The following MAP3K19 variants were observed in gnomAD, a reference collection of about 807,000 sequenced individuals.
MAP3K19 encodes the protein SPS1/STE20-related protein kinase YSK4.
A neutral mutation model predicts 114.4 loss-of-function variants in MAP3K19; 91 were observed. The observed-to-expected ratio is 0.80, with a 90% CI of 0.67 to 0.95. The LOEUF (loss-of-function observed/expected upper bound fraction) is 0.95. Ranked by LOEUF, MAP3K19 falls within the 40% of genes least tolerant of loss-of-function variation. MAP3K19 has a pLI of 0.00. For synonymous variants in MAP3K19, 518 were observed against 530.5 expected (o/e 0.98, Z 0.32); for missense variants, 1,471 against 1,573.2 (o/e 0.94, Z 1.10).
At position 135,039,985 on chromosome 2, in the gene MAP3K19, T is replaced by C. The variant is rs184425016; in HGVS notation, c.-284+378A>G. Among the ~76,000 whole-genome samples, 392 of 152,346 alleles carry C rather than the reference T, an allele frequency of 2.6e-3. 13 individuals are homozygous for C. The highest frequency in any genetic ancestry group is 0.023 in the Admixed American group (356 of 15,296). On this transcript the variant is annotated intron_variant, in intron 2 of 12. Coordinates refer to ENST00000392915, the MANE Select transcript of MAP3K19 (RefSeq NM_025052.5). The stretch of plus-strand genomic sequence containing the variant: ...TTATTATTCACGTATTTACCCCTGT[T>C]TCCCTACTTCCAGGTTTACGTGCAT...
chr2:135,033,318 T>C (rs1271313334), intron 2 of MAP3K19, among the ~76,000 whole-genome samples: 17 of 108,828 alleles, frequency 1.6e-4, no homozygotes, highest in East Asian at 3.0e-4. Context: ...TAGGAGCGGC[T>C]GGGCAGAGGC....
intron 10 of MAP3K19, among the ~76,000 whole-genome samples, chr2:134,984,707 C>T (rs1002838587): frequency 8.5e-5 from 13 of 152,148 alleles, no homozygotes; most frequent in African/African-American, 2.9e-4. Flanking sequence ...AATCCCAGCA[C>T]TTTGGGAGGC....
intron 5 of MAP3K19, among the ~76,000 whole-genome samples, chr2:135,020,559 G>A (rs1196645583): frequency 1.3e-5 from 2 of 152,160 alleles, no homozygotes; most frequent in East Asian, 3.9e-4. Context: ...GGCCTCAACA[G>A]ATCTTCAGCC....
intron 6 of MAP3K19, among the ~76,000 whole-genome samples, chr2:135,003,726 G>T (rs1046721138): frequency 6.6e-6 from 1 of 151,836 alleles, no homozygotes; most frequent in African/African-American, 2.4e-5. Flanking sequence ...GGCTAATTTT[G>T]TATTTTTAGT....
Position 134,981,536 on chromosome 2 carries a change from A to G in MAP3K19, c.3223-18T>C. The stretch of plus-strand genomic sequence containing the variant: ...CAGTATACCTAGAAGCAAATCAATA[A>G]TACCTTGTTATTAAATTAATGACAT... On this transcript the variant is annotated intron_variant, in intron 11 of 12. Coordinates refer to ENST00000392915, the MANE Select transcript of MAP3K19 (RefSeq NM_025052.5). 4 of 1,535,560 alleles carry G rather than the reference A, an allele frequency of 2.6e-6. No homozygotes were observed. The highest frequency in any genetic ancestry group is 3.6e-6 in the Non-Finnish European group (4 of 1,123,758).
chr2:135,033,501 C>T (rs1220817154), intron 2 of MAP3K19, among the ~76,000 whole-genome samples: 4 of 113,332 alleles, frequency 3.5e-5, no homozygotes, highest in Non-Finnish European at 6.7e-5. Flanking sequence ...CAGAGGGGCT[C>T]CTCACTTCCC....
chr2:135,044,971 C>G (rs1219463922), intron 1 of MAP3K19, among the ~76,000 whole-genome samples: 3 of 152,080 alleles, frequency 2.0e-5, no homozygotes, highest in Non-Finnish European at 4.4e-5. Flanking sequence ...CTTATATGTA[C>G]AAGGTTTTTG....
rs201233753 is a variant in MAP3K19 at position 134,972,602 on chromosome 2, AT to A, written c.3921-7687del. On this transcript the variant is annotated intron_variant, in intron 12 of 12. Transcript: ENST00000392915. ...GCCTACCAAGTGACCTAGCTAGCTA[AT>A]TTTTTTTTTTTCTTTTTGAGACAAG... is the stretch of plus-strand genomic sequence containing the variant. Among the ~76,000 whole-genome samples the A allele has an allele frequency of 0.037, 5,452 of 146,326 alleles. 486 individuals carry two copies. The East Asian group carries it at 0.41, about 11-fold the overall frequency.
chr2:135,024,733 T>C lies in MAP3K19; in HGVS notation c.-86A>G. On this transcript the variant is annotated 5_prime_UTR_variant, in exon 4 of 13. It removes the in-frame stop codon of an upstream open reading frame in the 5' UTR. Transcript: ENST00000392915. The stretch of plus-strand genomic sequence containing the variant: ...TGATTTTCCACTAAAATCACAAAGT[T>C]TAGGATCTCTAGGAAGAACAGAATC... 1.7e-6 allele frequency: 2 copies of C among 1,181,826 alleles called. 1 individual carries two copies. Among genetic ancestry groups the C allele is most frequent in the South Asian group, 2.5e-5 (2 of 78,696 alleles). The allele number at this position is 1,181,826 out of a possible 1,614,324, so 73.2% of individuals were successfully genotyped here. A position where few individuals can be genotyped will look rare whatever the true frequency, so the allele number is the denominator to read the frequency against.
At chr2:135,013,841 C>T (rs1687403141) in intron 5 of MAP3K19, among the ~76,000 whole-genome samples, 1 of 152,056 alleles carries the variant, frequency 6.6e-6, no homozygotes, top group South Asian at 2.1e-4. Context: ...CTGCCTTCTT[C>T]ATTATACCAA....
intron 6 of MAP3K19, among the ~76,000 whole-genome samples, chr2:135,000,785 G>A (rs765614625): frequency 2.0e-5 from 3 of 152,122 alleles, no homozygotes; most frequent in African/African-American, 7.2e-5. Flanking sequence ...TGCTTGCCCC[G>A]GTATTCATTT....
intron 9 of MAP3K19, among the ~76,000 whole-genome samples, chr2:134,991,014 C>T (rs1276092279): frequency 6.6e-6 from 1 of 151,794 alleles, no homozygotes; most frequent in South Asian, 2.1e-4. Flanking sequence ...GCCAACATAG[C>T]GAGACCCTGT....
intron 5 of MAP3K19, among the ~76,000 whole-genome samples, chr2:135,009,634 T>G (rs905803893): frequency 6.6e-6 from 1 of 152,198 alleles, no homozygotes; most frequent in Admixed American, 6.5e-5. Flanking sequence ...CATTTGTCAG[T>G]TGGTCCTGTA....
Position 134,987,206 on chromosome 2 carries a change from T to C in MAP3K19, c.1666A>G (p.Thr556Ala), listed in dbSNP as rs1194382006. Reference sequence around the variant, plus strand: ...ATGGTAGGCTTAATGGGACCTTCAGTAGAAATCACAAAATTCTGAGGTGTC... The same window carrying C: ...ATGGTAGGCTTAATGGGACCTTCAGCAGAAATCACAAAATTCTGAGGTGTC... The part of the protein sequence containing the change: ...KKTPQNFVIS[T>A]EGPIKPTMHK... The change falls in exon 10 of 13, where the codon ACT (threonine) becomes GCT (alanine). Residue 556 changes from threonine to alanine, a missense_variant. Thr to Ala is a moderately conservative substitution (Grantham distance 58). Coordinates refer to ENST00000392915, the MANE Select transcript of MAP3K19 (RefSeq NM_025052.5). 3.7e-6 allele frequency: 6 copies of C among 1,614,202 alleles called. No homozygotes were observed. The Admixed American group carries it at 8.3e-5, about 22-fold the overall frequency.
chr2:134,973,370 T>C (rs936442114), intron 12 of MAP3K19, among the ~76,000 whole-genome samples: 1 of 152,346 alleles, frequency 6.6e-6, no homozygotes, highest in East Asian at 1.9e-4. Flanking sequence ...TATCATTATA[T>C]AGTGACTTTG....
At chr2:135,044,519 G>A (rs1342815568) in intron 1 of MAP3K19, among the ~76,000 whole-genome samples, 1 of 152,214 alleles carries the variant, frequency 6.6e-6, no homozygotes, top group African/African-American at 2.4e-5. Context: ...GAACCTGGGA[G>A]GCAGAGGTTG....
intron 12 of MAP3K19, among the ~76,000 whole-genome samples, chr2:134,977,235 G>T (rs1684303530): frequency 6.7e-6 from 1 of 149,970 alleles, no homozygotes; most frequent in African/African-American, 2.5e-5. Context: ...AAGCTGGAGT[G>T]CAGTGGCATG....
rs1158236697 is a variant in MAP3K19, at chr2:134,964,627, G to T, written c.*223C>A. On this transcript the variant is annotated 3_prime_UTR_variant, in exon 13 of 13. Coordinates refer to ENST00000392915, the MANE Select transcript of MAP3K19 (RefSeq NM_025052.5). ...ACTGTAAACACTGAAATAGTTTTTT[G>T]TTGTTATTAAGAACATGTTTTCTGA... The T allele has an allele frequency of 1.7e-5, 6 of 356,382 alleles. No individual in the cohort carries two copies. The highest frequency in any genetic ancestry group is 9.1e-5 in the Admixed American group (2 of 22,088). The allele number at this position is 356,382 out of a possible 1,614,324, so 22.1% of individuals were successfully genotyped here. A position where few individuals can be genotyped will look rare whatever the true frequency, so the allele number is the denominator to read the frequency against.
At chr2:135,044,244 A>G (rs1233737723) in intron 1 of MAP3K19, among the ~76,000 whole-genome samples, 1 of 152,220 alleles carries the variant, frequency 6.6e-6, no homozygotes, top group Non-Finnish European at 1.5e-5. Flanking sequence ...TGAAGCACAG[A>G]CATTGGCAAA....
Sources: gnomAD v4.1 joint callset for allele counts (sites outside exome capture counted in the v4.1 genomes callset) on GRCh38, gnomAD v4.1.1 for gene constraint, MANE v1.5 for transcripts, NCBI Gene and HGNC (gene_info 2026-07-23, HGNC 2026-07-21) for gene names.